LRPPRC: variants seen among roughly 807,000 people sequenced by gnomAD.
LRPPRC encodes leucine rich pentatricopeptide repeat containing, also known as leucine-rich PPR motif-containing protein, mitochondrial.
Under a neutral mutation model 180.3 loss-of-function variants are expected in LRPPRC, and 120 were observed. The ratio of observed to expected loss-of-function variants is 0.67; its 90% CI spans 0.57 to 0.77. The LOEUF (loss-of-function observed/expected upper bound fraction) is 0.77, where lower values mean the gene tolerates loss of function less well. Ranked by LOEUF, LRPPRC falls within the 30% of genes least tolerant of loss-of-function variation. The pLI, the probability that LRPPRC is intolerant of heterozygous loss-of-function variation, is 0.00. For missense variants in LRPPRC, 2,012 were observed against 1,657.2 expected (o/e 1.21, Z -3.72); for synonymous variants, 723 against 600.0 (o/e 1.21, Z -3.00).
intron 30 of LRPPRC, among the ~76,000 whole-genome samples, chr2:43,909,377 GA>G (rs998111600): frequency 6.6e-6 from 1 of 151,934 alleles, no homozygotes; most frequent in African/African-American, 2.4e-5. Context: ...ACAGCTAAAA[GA>G]AAAGTCTCAC....
rs1487399884 is a variant in LRPPRC, at chr2:43,901,307, T to C, written c.3569+13A>G. ...GTGACCAATGAAGGAAAAGAAGGCT[T>C]GCAAATACTCACTTCTTTATTTGAG... On this transcript the variant is annotated intron_variant, in intron 32 of 37. Transcript: ENST00000260665. 5 of 1,608,138 alleles carry C rather than the reference T, an allele frequency of 3.1e-6. No homozygotes were observed. The highest frequency in any genetic ancestry group is 4.3e-6 in the Non-Finnish European group (5 of 1,175,732).
intron 23 of LRPPRC, among the ~76,000 whole-genome samples, chr2:43,942,046 T>C (rs897716494): frequency 7.9e-5 from 12 of 151,954 alleles, no homozygotes; most frequent in African/African-American, 2.7e-4. Flanking sequence ...CAGAGGATGC[T>C]CTAGGTTAAC....
chr2:43,968,767 T>A (rs998367864), intron 11 of LRPPRC, among the ~76,000 whole-genome samples: 2 of 152,202 alleles, frequency 1.3e-5, no homozygotes, highest in Non-Finnish European at 2.9e-5. Context: ...TTTCTGTTAA[T>A]AAGATGAGTA....
chr2:43,945,552 A>C (rs557000295), intron 21 of LRPPRC, 135 bp from the exon 22 acceptor site: 1 of 681,150 alleles, frequency 1.5e-6, no homozygotes, highest in South Asian at 1.5e-5. Context: ...TTCAGTTAGG[A>C]TTTCTTTTTG....
intron 34 of LRPPRC, 26 bp downstream of exon 34, chr2:43,899,193 C>T (rs759155078): frequency 1.3e-6 from 2 of 1,516,446 alleles, no homozygotes; most frequent in African/African-American, 1.4e-5. Flanking sequence ...TCGAGCCCCA[C>T]TGCTCCATGA....
chr2:43,911,684 G>A (rs998808092), intron 30 of LRPPRC, among the ~76,000 whole-genome samples: 2 of 151,630 alleles, frequency 1.3e-5, no homozygotes, highest in East Asian at 1.9e-4. Context: ...ATGCCACCAC[G>A]CCCAGCTAAT....
intron 29 of LRPPRC, among the ~76,000 whole-genome samples, chr2:43,917,736 C>T (rs1235415435): frequency 6.6e-6 from 1 of 152,032 alleles, no homozygotes; most frequent in African/African-American, 2.4e-5. Flanking sequence ...TTGCAGTGAG[C>T]TGAGATCACG....
chr2:43,995,526 G>T (rs1280618434), intron 1 of LRPPRC, among the ~76,000 whole-genome samples: 1 of 152,198 alleles, frequency 6.6e-6, no homozygotes, highest in Non-Finnish European at 1.5e-5. Context: ...GTTGACCATG[G>T]GTACCCCGAG....
chr2:43,958,538 TTA>T (rs1673214707), intron 13 of LRPPRC, among the ~76,000 whole-genome samples: 1 of 152,218 alleles, frequency 6.6e-6, no homozygotes, highest in Admixed American at 6.5e-5. Flanking sequence ...CTCAGTGCTT[TTA>T]TAGTGTTTGA....
At chr2:43,897,889 C>T (rs1170410630) in intron 34 of LRPPRC, among the ~76,000 whole-genome samples, 1 of 152,046 alleles carries the variant, frequency 6.6e-6, no homozygotes, top group Non-Finnish European at 1.5e-5. Context: ...TGATTGCATA[C>T]CATCATGTGT....
chr2:43,889,845 T>G lies in LRPPRC; in HGVS notation c.4017A>C (p.Ala1339=), dbSNP rs1670422095. The part of the protein sequence containing the change: ...VSEKDVTSAK[A]LYEHLTAKNT... Reference sequence around the variant, plus strand: ...TCTTTGCAGTCAAATGTTCATACAGTGCTTTAGCAGATGTGACATCTTTCT... The same window carrying G: ...TCTTTGCAGTCAAATGTTCATACAGGGCTTTAGCAGATGTGACATCTTTCT... The change falls in exon 37 of 38, where the codon GCA becomes GCC. Residue 1339 remains alanine (A), a synonymous_variant. Transcript: ENST00000260665. The G allele has an allele frequency of 1.2e-6, 2 of 1,609,774 alleles. No individual in the cohort carries two copies. Among genetic ancestry groups the G allele is most frequent in the African/African-American group, 1.3e-5 (1 of 74,882 alleles).
intron 30 of LRPPRC, among the ~76,000 whole-genome samples, chr2:43,909,111 CA>C (rs1396903760): frequency 6.6e-6 from 1 of 152,210 alleles, no homozygotes; most frequent in Admixed American, 6.5e-5. Context: ...TGAAATATCT[CA>C]AGTAACATAG....
intron 20 of LRPPRC, 42 bp downstream of exon 20, chr2:43,947,215 T>C (rs368326938): frequency 1.1e-6 from 1 of 908,364 alleles, no homozygotes; most frequent in Non-Finnish European, 1.7e-6. Flanking sequence ...TTACCAAGAA[T>C]TTTTTGCCTT....
Position 43,963,581 on chromosome 2 carries a change from T to A in LRPPRC, c.1488+7A>T. On this transcript the variant is annotated splice_region_variant and intron_variant, in intron 12 of 37. Coordinates refer to ENST00000260665, the MANE Select transcript of LRPPRC (RefSeq NM_133259.4). ...AATTATTAAATTAAAACCACACTTGTACTCACCTGCAAAATGGCTCGTGCT... is the reference window on the plus strand; with the variant it reads ...AATTATTAAATTAAAACCACACTTGAACTCACCTGCAAAATGGCTCGTGCT... The A allele has an allele frequency of 6.8e-7, 1 of 1,480,392 alleles. No individual in the cohort carries two copies. The allele number at this position is 1,480,392 out of a possible 1,614,324, so 91.7% of individuals were successfully genotyped here. A position where few individuals can be genotyped will look rare whatever the true frequency, so the allele number is the denominator to read the frequency against.
chr2:43,925,692 G>A (rs1012959240), intron 26 of LRPPRC, among the ~76,000 whole-genome samples: 4 of 152,110 alleles, frequency 2.6e-5, no homozygotes, highest in African/African-American at 9.7e-5. Context: ...AATATCATCA[G>A]GGCCCAGGTT....
intron 25 of LRPPRC, among the ~76,000 whole-genome samples, chr2:43,930,673 AGGATCATTTCTCAAAAGTGGGTC>A (rs780345045): frequency 1.6e-3 from 249 of 152,300 alleles, no homozygotes; most frequent in Non-Finnish European, 7.4e-4. Context: ...TGATTTACTT[AGGATCATTTCTCAAAAGTGGGTC>A]AAATGTCATT....
At chr2:43,920,745 A>G (rs1318399729) in intron 27 of LRPPRC, among the ~76,000 whole-genome samples, 4 of 151,968 alleles carry the variant, frequency 2.6e-5, no homozygotes. Flanking sequence ...ACTTCTGTTG[A>G]CTGCCAAAAG....
chr2:43,929,395 CTA>C (rs924043846), intron 25 of LRPPRC, among the ~76,000 whole-genome samples: 13 of 152,094 alleles, frequency 8.5e-5, no homozygotes, highest in Middle Eastern at 3.2e-3. Flanking sequence ...CATGTATAGT[CTA>C]TGTGTGTGTA....
intron 31 of LRPPRC, chr2:43,904,407 T>G (rs1001694532): frequency 6.6e-6 from 1 of 151,634 alleles, no homozygotes; most frequent in Non-Finnish European, 1.5e-5. Flanking sequence ...GTTATAAACA[T>G]GCAGGCCGGG....
Sources: gnomAD v4.1 joint callset for allele counts (sites outside exome capture counted in the v4.1 genomes callset) on GRCh38, gnomAD v4.1.1 for gene constraint, MANE v1.5 for transcripts, NCBI Gene and HGNC (gene_info 2026-07-23, HGNC 2026-07-21) for gene names.